The following PHACTR1 variants were observed in gnomAD, a reference collection of about 807,000 sequenced individuals.
PHACTR1 encodes phosphatase and actin regulator 1.
Under a neutral mutation model 69.2 loss-of-function variants are expected in PHACTR1, and 16 were observed. The ratio of observed to expected loss-of-function variants is 0.23; its 90% confidence interval spans 0.16 to 0.35. PHACTR1 has a LOEUF of 0.35. Among genes scored for constraint, PHACTR1 ranks in the 10% least tolerant of loss-of-function variants. PHACTR1 has a pLI of 1.00. For synonymous variants in PHACTR1, 312 were observed against 284.5 expected (o/e 1.10, Z -0.97); for missense variants, 510 against 734.7 (o/e 0.69, Z 3.54).
At chr6:13,103,620 A>G (rs1175470069) in intron 5 of PHACTR1, among the ~76,000 whole-genome samples, 1 of 152,214 alleles carries the variant, frequency 6.6e-6, no homozygotes, top group African/African-American at 2.4e-5. Flanking sequence ...GAACTTTTAA[A>G]TTTGAACTAA....
At chr6:13,095,730 A>G (rs1399497784) in intron 5 of PHACTR1, among the ~76,000 whole-genome samples, 1 of 139,188 alleles carries the variant, frequency 7.2e-6, no homozygotes, top group Non-Finnish European at 1.5e-5. Flanking sequence ...TAAACTTTAA[A>G]GTGAATTATT....
chr6:12,855,061 C>T (rs1467226301), intron 4 of PHACTR1, among the ~76,000 whole-genome samples: 1 of 152,186 alleles, frequency 6.6e-6, no homozygotes, highest in East Asian at 1.9e-4. Flanking sequence ...GGAAATTAAT[C>T]ATTCTACCAA....
chr6:12,944,787 A>ATTTTTTTTTTTTTTTTTTTTTTT (rs67157877), intron 4 of PHACTR1, among the ~76,000 whole-genome samples: 1 of 116,340 alleles, frequency 8.6e-6, no homozygotes, highest in African/African-American at 3.3e-5. Flanking sequence ...ATTTTTATTT[A>ATTTTTTTTTTTTTTTTTTTTTTT]TTTTTTTTTT....
intron 4 of PHACTR1, among the ~76,000 whole-genome samples, chr6:12,907,048 T>G (rs1035955222): frequency 6.6e-6 from 1 of 152,210 alleles, no homozygotes; most frequent in African/African-American, 2.4e-5. Flanking sequence ...CTTCAAATTT[T>G]TAATATTTCC....
chr6:13,230,645 T>C (rs1203360158), intron 10 of PHACTR1, among the ~76,000 whole-genome samples: 1 of 151,862 alleles, frequency 6.6e-6, no homozygotes, highest in African/African-American at 2.4e-5. Context: ...ATCCAAATCT[T>C]GGAAAATTCA....
chr6:12,897,390 T>A lies in PHACTR1; in HGVS notation c.250+147600T>A, dbSNP rs570550873. Among the ~76,000 whole-genome samples, 19 of 152,256 alleles carry A rather than the reference T, an allele frequency of 1.2e-4. 1 individual carries two copies. Among genetic ancestry groups the A allele is most frequent in the African/African-American group, 4.6e-4 (19 of 41,542 alleles). ...ACAGACTCCACCCATCCTGCCTCTT[T>A]TGGGGACCTCCTCTATCATCCCTCT... On this transcript the variant is annotated intron_variant, in intron 4 of 14. Transcript: ENST00000332995.
chr6:13,199,933 A>T (rs1262991499), intron 7 of PHACTR1, among the ~76,000 whole-genome samples: 1 of 152,250 alleles, frequency 6.6e-6, no homozygotes, highest in African/African-American at 2.4e-5. Flanking sequence ...TGTGGACAAG[A>T]TAATCATTAG....
chr6:13,154,618 A>C (rs1417835028), intron 5 of PHACTR1, among the ~76,000 whole-genome samples: 2 of 152,178 alleles, frequency 1.3e-5, no homozygotes, highest in Non-Finnish European at 2.9e-5. Context: ...ATGTTTGCTT[A>C]AAGGGATGGA....
At chr6:12,933,831 T>C (rs1384225693) in intron 4 of PHACTR1, 4 of 1,612,628 alleles carry the variant, frequency 2.5e-6, no homozygotes, top group Non-Finnish European at 3.4e-6. Context: ...ATGAGCCCTG[T>C]TCAAGGAGCT....
chr6:12,988,019 G>A (rs35241555), intron 4 of PHACTR1, among the ~76,000 whole-genome samples: 19,184 of 152,180 alleles, frequency 0.13, 1,504 homozygotes, highest in Middle Eastern at 0.19. Flanking sequence ...CATTTCTAAG[G>A]GGGTTGGCTA....
At chr6:12,942,014 A>G (rs1455302234) in intron 4 of PHACTR1, among the ~76,000 whole-genome samples, 6 of 152,140 alleles carry the variant, frequency 3.9e-5, no homozygotes, top group South Asian at 2.1e-4. Flanking sequence ...TGGCTCATCA[A>G]TTCCCCCATT....
intron 4 of PHACTR1, among the ~76,000 whole-genome samples, chr6:13,046,897 CT>C (rs1432408179): frequency 1.3e-5 from 2 of 151,898 alleles, no homozygotes; most frequent in African/African-American, 4.8e-5. Context: ...GAGATCCAGC[CT>C]CTATAAGTGT....
chr6:12,866,022 C>T lies in PHACTR1; in HGVS notation c.250+116232C>T, dbSNP rs117772297. Among the ~76,000 whole-genome samples the T allele has an allele frequency of 3.3e-3, 499 of 152,252 alleles. 7 individuals carry two copies. In the East Asian group the frequency reaches 0.042, roughly 13 times the overall value. ...GCTGAGGGAGCCTCAGAGTCATCCCCTTTCTGCCTGAGAGAGTGATTCCGG... is the reference window on the plus strand; with the variant it reads ...GCTGAGGGAGCCTCAGAGTCATCCCTTTTCTGCCTGAGAGAGTGATTCCGG... On this transcript the variant is annotated intron_variant, in intron 4 of 14. Transcript: ENST00000332995.
chr6:12,766,594 A>G (rs1768645153), intron 4 of PHACTR1, among the ~76,000 whole-genome samples: 1 of 152,184 alleles, frequency 6.6e-6, no homozygotes, highest in Non-Finnish European at 1.5e-5. Context: ...GAGGCAACAC[A>G]TACACCATGG....
At chr6:13,099,301 G>C (rs1389555220) in intron 5 of PHACTR1, among the ~76,000 whole-genome samples, 2 of 152,164 alleles carry the variant, frequency 1.3e-5, no homozygotes, top group Admixed American at 1.3e-4. Context: ...ATGATCTAAC[G>C]TTTGTCACCT....
Position 13,058,074 on chromosome 6 carries a change from T to C in PHACTR1, c.415+4545T>C, listed in dbSNP as rs1807074935. Among the ~76,000 whole-genome samples, 3 of 152,176 alleles carry C rather than the reference T, an allele frequency of 2.0e-5. No individual in the cohort carries two copies. The South Asian group carries it at 6.2e-4, about 32-fold the overall frequency. Reference sequence around the variant, plus strand: ...GCCCTGCCCAGGGCTTGTGAACCTATGAGCCTGATACATTCAGCTTCTTAT... The same window carrying C: ...GCCCTGCCCAGGGCTTGTGAACCTACGAGCCTGATACATTCAGCTTCTTAT... On this transcript the variant is annotated intron_variant, in intron 5 of 14. Coordinates refer to ENST00000332995, the MANE Select transcript of PHACTR1 (RefSeq NM_030948.6).
intron 4 of PHACTR1, among the ~76,000 whole-genome samples, chr6:12,918,402 C>G (rs1396766020): frequency 6.6e-6 from 1 of 152,208 alleles, no homozygotes; most frequent in African/African-American, 2.4e-5. Flanking sequence ...CTTCAAATTG[C>G]AAACACAATT....
chr6:12,847,689 G>A (rs576432665), intron 4 of PHACTR1, among the ~76,000 whole-genome samples: 7 of 152,184 alleles, frequency 4.6e-5, no homozygotes, highest in East Asian at 3.9e-4. Context: ...ATCCCAAGAT[G>A]TTTCAGTGGC....
intron 7 of PHACTR1, among the ~76,000 whole-genome samples, chr6:13,184,444 G>T (rs746661654): frequency 4.6e-5 from 7 of 152,222 alleles, no homozygotes; most frequent in Non-Finnish European, 1.0e-4. Context: ...GGCCACCCTG[G>T]TGATTCCTGC....
Sources: allele counts gnomAD v4.1 joint callset (sites outside exome capture counted in the v4.1 genomes callset), GRCh38; gene constraint gnomAD v4.1.1; transcripts MANE v1.5; gene names NCBI Gene and HGNC (gene_info 2026-07-23, HGNC 2026-07-21).